Variants in RTL4 observed in about 807,000 individuals in gnomAD.
RTL4 encodes the protein retrotransposon Gag-like protein 4.
A neutral mutation model predicts 5.3 loss-of-function variants in RTL4; 4 were observed. That is an observed-to-expected ratio of 0.75 (90% CI 0.37 to 1.72). The LOEUF (loss-of-function observed/expected upper bound fraction) is 1.72. Among genes scored for constraint, RTL4 ranks in the 40% most tolerant of loss-of-function variants. RTL4 has a pLI of 0.04. For missense variants in RTL4, 260 were observed against 227.1 expected, an observed-to-expected ratio of 1.14 and a Z score of -0.93; for synonymous variants, 98 against 87.3, an observed-to-expected ratio of 1.12 and a Z score of -0.68.
chrX:112,133,105 T>C, the RTL4 span, among the ~76,000 whole-genome samples: 1 of 112,117 alleles, frequency 8.9e-6, no homozygotes, highest in East Asian at 2.8e-4. Flanking sequence ...TAGGAAAGAA[T>C]GTTGGACAAA....
chrX:112,231,066 A>G, the RTL4 span, among the ~76,000 whole-genome samples: 23 of 110,537 alleles, frequency 2.1e-4, no homozygotes, highest in African/African-American at 6.6e-4. Context: ...TTAAAAAGTC[A>G]GGAAACAACA....
chrX:112,097,451 C>A, the RTL4 span, among the ~76,000 whole-genome samples: 1 of 110,800 alleles, frequency 9.0e-6, no homozygotes, highest in African/African-American at 3.3e-5. Context: ...TCCTGGGCAA[C>A]ATTGCAAAGC....
the RTL4 span, among the ~76,000 whole-genome samples, chrX:112,097,462 C>A: frequency 9.0e-6 from 1 of 110,565 alleles, no homozygotes; most frequent in South Asian, 3.9e-4. Context: ...ATTGCAAAGC[C>A]TCACCTCTAC....
the RTL4 span, among the ~76,000 whole-genome samples, chrX:112,327,735 A>C: frequency 9.0e-6 from 1 of 111,211 alleles, no homozygotes; most frequent in Non-Finnish European, 1.9e-5. Context: ...TGAAGGAAAA[A>C]ATGTTAAGGG....
At chrX:112,191,144 G>A in the RTL4 span, among the ~76,000 whole-genome samples, 2 of 111,988 alleles carry the variant, frequency 1.8e-5, no homozygotes, top group Non-Finnish European at 3.8e-5. Flanking sequence ...TGGCCTTCAT[G>A]CTTACTTGCT....
At chrX:112,145,081 C>T in the RTL4 span, among the ~76,000 whole-genome samples, 1 of 110,757 alleles carries the variant, frequency 9.0e-6, no homozygotes, top group African/African-American at 3.3e-5. Flanking sequence ...AGCTCTTTTC[C>T]TTTAGAATGT....
At chrX:112,187,315 A>G in the RTL4 span, among the ~76,000 whole-genome samples, 1 of 112,060 alleles carries the variant, frequency 8.9e-6, no homozygotes, top group Non-Finnish European at 1.9e-5. Context: ...AGTCCAATAC[A>G]GTTCTCAAAG....
chrX:112,146,238 G>A, the RTL4 span, among the ~76,000 whole-genome samples: 2 of 111,457 alleles, frequency 1.8e-5, no homozygotes, highest in African/African-American at 6.5e-5. Flanking sequence ...ATGAATTGGA[G>A]ATGGGATGGA....
chrX:112,310,351 T>G, the RTL4 span, among the ~76,000 whole-genome samples: 1 of 46,689 alleles, frequency 2.1e-5, no homozygotes, highest in African/African-American at 8.7e-5. Flanking sequence ...GAGAACCAAA[T>G]TGGCCAGCAC....
chrX:112,416,493 T>A, the RTL4 span, among the ~76,000 whole-genome samples: 1 of 112,297 alleles, frequency 8.9e-6, no homozygotes, highest in African/African-American at 3.2e-5. Flanking sequence ...TTATGTGACT[T>A]GCTAGGAGAA....
chrX:112,258,597 C>T, the RTL4 span, among the ~76,000 whole-genome samples: 4 of 110,719 alleles, frequency 3.6e-5, no homozygotes, highest in South Asian at 3.8e-4. Context: ...TGGGTTTTTT[C>T]GCGGACTTCT....
At chrX:112,206,801 A>G in the RTL4 span, among the ~76,000 whole-genome samples, 1 of 111,925 alleles carries the variant, frequency 8.9e-6, no homozygotes, top group African/African-American at 3.2e-5. Flanking sequence ...TATGCTCAAA[A>G]CATAATTCAG....
chrX:112,244,261 C>T, the RTL4 span, among the ~76,000 whole-genome samples: 4 of 111,674 alleles, frequency 3.6e-5, no homozygotes, highest in South Asian at 3.7e-4. Flanking sequence ...TGTTAATGTT[C>T]TGTCTTGTTG....
At chrX:112,456,911 G>T (rs935640447) in exon 1 of RTL4, 1 of 123,489 alleles carries the variant, frequency 8.1e-6, no homozygotes, top group Admixed American at 9.5e-5. Flanking sequence ...CCAGCTTTGT[G>T]TAGATTCCTG....
the RTL4 span, among the ~76,000 whole-genome samples, chrX:112,390,125 A>AT: frequency 5.9e-4 from 14 of 23,697 alleles, no homozygotes; most frequent in Non-Finnish European, 9.2e-4. Context: ...ATATATATAT[A>AT]TATATATATA....
the RTL4 span, among the ~76,000 whole-genome samples, chrX:112,326,794 T>C: frequency 0.011 from 1,177 of 111,392 alleles, 9 homozygotes; most frequent in Middle Eastern, 0.019. Context: ...TCTCCCAGCA[T>C]GCAGCTGGAG....
chrX:112,105,578 T>C, the RTL4 span, among the ~76,000 whole-genome samples: 3 of 111,233 alleles, frequency 2.7e-5, no homozygotes, highest in African/African-American at 9.8e-5. Context: ...CAGTATCCTA[T>C]AGTTTTTAGA....
At chrX:112,243,309 G>C in the RTL4 span, among the ~76,000 whole-genome samples, 1 of 111,079 alleles carries the variant, frequency 9.0e-6, no homozygotes, top group Non-Finnish European at 1.9e-5. Context: ...GAATTCGGCT[G>C]TGAACCCATC....
At chrX:112,297,159 C>T in the RTL4 span, among the ~76,000 whole-genome samples, 2 of 111,059 alleles carry the variant, frequency 1.8e-5, no homozygotes, top group South Asian at 3.8e-4. Context: ...TCTACCTCCC[C>T]AGTGTTACAA....
Sources: gnomAD v4.1 joint callset for allele counts (sites outside exome capture counted in the v4.1 genomes callset) on GRCh38, gnomAD v4.1.1 for gene constraint, MANE v1.5 for transcripts, NCBI Gene and HGNC (gene_info 2026-07-23, HGNC 2026-07-21) for gene names.